Variants in EHMT1 observed in about 807,000 individuals in gnomAD.
EHMT1 encodes euchromatic histone lysine methyltransferase 1.
In EHMT1, 15 loss-of-function variants were observed where a neutral mutation model predicts 147.2. The ratio of observed to expected loss-of-function variants is 0.10; its 90% CI spans 0.07 to 0.16. The LOEUF is 0.16. Ranked by LOEUF, EHMT1 falls within the 10% of genes least tolerant of loss-of-function variation. The pLI, the probability that EHMT1 is intolerant of heterozygous loss-of-function variation, is 1.00. For missense variants in EHMT1, 1,587 were observed against 1,772.4 expected (o/e 0.90, Z 1.88); for synonymous variants, 795 against 709.6 (o/e 1.12, Z -1.91).
intron 1 of EHMT1, among the ~76,000 whole-genome samples, chr9:137,703,710 T>C (rs1439009971): frequency 6.6e-6 from 1 of 152,118 alleles, no homozygotes; most frequent in Non-Finnish European, 1.5e-5. Context: ...GTCAAAACCA[T>C]TCAAAAAGCC....
At chr9:137,809,099 C>T (rs996357750) in intron 18 of EHMT1, among the ~76,000 whole-genome samples, 17 of 151,942 alleles carry the variant, frequency 1.1e-4, no homozygotes, top group African/African-American at 3.6e-4. Flanking sequence ...GCAGCAGAGG[C>T]TCTTCAGGAA....
At position 137,765,751 on chromosome 9, in the gene EHMT1, G is replaced by A. The variant is rs1044492393; in HGVS notation, c.1647+2931G>A. Among the ~76,000 whole-genome samples the A allele has an allele frequency of 4.7e-5, 7 of 149,486 alleles. No homozygotes were observed. The East Asian group carries it at 1.4e-3, about 30-fold the overall frequency. On this transcript the variant is annotated intron_variant, in intron 10 of 26. Coordinates refer to ENST00000460843, the MANE Select transcript of EHMT1 (RefSeq NM_024757.5). ...CAGCCTCTGTCCCGACTCCCACAAC[G>A]CCCACTTCCAGGGTCAGTTTCACTG...
Position 137,707,324 on chromosome 9 carries a change from C to T in EHMT1, c.22-3643C>T, listed in dbSNP as rs370733375. Among the ~76,000 whole-genome samples, 89 of 152,320 alleles carry T rather than the reference C, an allele frequency of 5.8e-4. 1 individual carries two copies. The highest frequency in any genetic ancestry group is 2.1e-3 in the African/African-American group (86 of 41,576). On this transcript the variant is annotated intron_variant, in intron 1 of 26. Coordinates refer to ENST00000460843, the MANE Select transcript of EHMT1 (RefSeq NM_024757.5). ...ATCCCTTGCTGGGAGAAAACCTTCCCGAGCCTCCTGGAAGTCAGGAGAGGC... is the reference window on the plus strand; with the variant it reads ...ATCCCTTGCTGGGAGAAAACCTTCCTGAGCCTCCTGGAAGTCAGGAGAGGC...
intron 16 of EHMT1, among the ~76,000 whole-genome samples, chr9:137,795,427 A>ACACACACT (rs1281685652): frequency 3.3e-4 from 4 of 12,144 alleles, no homozygotes; most frequent in Non-Finnish European, 5.5e-4. Context: ...ACACACACAC[A>ACACACACT]CTCTCACACT....
At chr9:137,803,450 C>G (rs1201417280) in intron 18 of EHMT1, 1 of 335,946 alleles carries the variant, frequency 3.0e-6, no homozygotes, top group Non-Finnish European at 4.2e-6. Flanking sequence ...GAAAAGGGCT[C>G]TCACCATGGG....
At chr9:137,803,084 G>A in intron 18 of EHMT1, 1 of 1,229,732 alleles carries the variant, frequency 8.1e-7, no homozygotes, top group Non-Finnish European at 1.0e-6. Flanking sequence ...TGGTCGGCCT[G>A]CATGCCTGGG....
chr9:137,639,860 C>T (rs1844355200), intron 1 of EHMT1, among the ~76,000 whole-genome samples: 1 of 152,202 alleles, frequency 6.6e-6, no homozygotes, highest in Non-Finnish European at 1.5e-5. Flanking sequence ...ATTAATCAGC[C>T]AGAGGAGGAG....
chr9:137,667,187 A>C (rs1485878891), intron 1 of EHMT1: 1 of 152,164 alleles, frequency 6.6e-6, no homozygotes, highest in Admixed American at 6.5e-5. Context: ...GGAAATTGGC[A>C]CTGTTTTGGG....
chr9:137,743,524 C>T lies in EHMT1; in HGVS notation c.977C>T (p.Ser326Phe), dbSNP rs958602333. Reference protein sequence around the residue: ...FKSITHSTVGSKGEKDLGASS... With the variant: ...FKSITHSTVGFKGEKDLGASS... Reference sequence around the variant, plus strand: ...AGCATAACTCATTCCACTGTGGGTTCCAAGGTAAGAGACGCATTTGAGTGA... The same window carrying T: ...AGCATAACTCATTCCACTGTGGGTTTCAAGGTAAGAGACGCATTTGAGTGA... The change falls in exon 5 of 27, where the codon TCC (serine) becomes TTC (phenylalanine). Residue 326 changes from serine (S) to phenylalanine (F), a missense_variant. Ser to Phe is a radical substitution (Grantham distance 155). This residue lies in a region of EHMT1 where 810 missense variants were observed against 673.0 expected (regional missense o/e 1.20). Transcript: ENST00000460843. The T allele has an allele frequency of 6.8e-6, 11 of 1,614,042 alleles. No homozygotes were observed. The highest frequency in any genetic ancestry group is 9.3e-6 in the Non-Finnish European group (11 of 1,179,994).
intron 1 of EHMT1, among the ~76,000 whole-genome samples, chr9:137,694,115 A>AC (rs201330340): frequency 5.9e-5 from 2 of 33,768 alleles, no homozygotes; most frequent in African/African-American, 1.1e-4. Context: ...GCTGGCCGAT[A>AC]CCCCCACACA....
At position 137,835,574 on chromosome 9, in the gene EHMT1, G is replaced by A. The variant is rs1461710201; in HGVS notation, c.*621G>A. On this transcript the variant is annotated 3_prime_UTR_variant, in exon 27 of 27. Coordinates refer to ENST00000460843, the MANE Select transcript of EHMT1 (RefSeq NM_024757.5). ...CCTATATATCAAACCTCTAACTGAC[G>A]TTTCTTTTCGAGGAAGTGGCTTGGT... The A allele has an allele frequency of 1.3e-5, 2 of 152,588 alleles. No homozygotes were observed. The highest frequency in any genetic ancestry group is 2.4e-5 in the African/African-American group (1 of 41,438). 9.5% of individuals were successfully genotyped at this position (152,588 alleles called of 1,614,324 possible). A position where few individuals can be genotyped will look rare whatever the true frequency, so the allele number is the denominator to read the frequency against.
intron 25 of EHMT1, 102 bp from the exon 26 acceptor site, chr9:137,834,247 C>A (rs1463775080): frequency 6.7e-7 from 1 of 1,487,126 alleles, no homozygotes; most frequent in Non-Finnish European, 9.1e-7. Flanking sequence ...CGGGCCTGCG[C>A]CCAACTGCAG....
chr9:137,829,628 TATG>T (rs1426032368), intron 25 of EHMT1, among the ~76,000 whole-genome samples: 1 of 152,254 alleles, frequency 6.6e-6, no homozygotes, highest in Non-Finnish European at 1.5e-5. Context: ...CTGTCCCTTG[TATG>T]ATACTTGGCA....
chr9:137,680,874 G>C (rs1454276502), intron 1 of EHMT1: 1 of 152,342 alleles, frequency 6.6e-6, no homozygotes, highest in Non-Finnish European at 1.5e-5. Context: ...CAGATGAGCA[G>C]GGGACAGCAG....
chr9:137,714,684 C>T (rs1945046733), intron 2 of EHMT1, among the ~76,000 whole-genome samples: 1 of 150,682 alleles, frequency 6.6e-6, no homozygotes, highest in East Asian at 2.0e-4. Flanking sequence ...TCCTGAGTAT[C>T]TGGGACTACA....
rs1416099173 is a variant in EHMT1, at chr9:137,778,166, G to C, written c.2192+111G>C. On this transcript the variant is annotated intron_variant, in intron 13 of 26. Coordinates refer to ENST00000460843, the MANE Select transcript of EHMT1 (RefSeq NM_024757.5). ...ACTTCTCAGCTTTTTGATTAATGCT[G>C]TTCGTTAGAATAATTCGTATATTTT... 11 of 1,323,836 alleles carry C rather than the reference G, an allele frequency of 8.3e-6. No homozygotes were observed. The African/African-American group carries it at 1.2e-4, about 14-fold the overall frequency. The allele number at this position is 1,323,836 out of a possible 1,614,324, so 82.0% of individuals were successfully genotyped here. A position where few individuals can be genotyped will look rare whatever the true frequency, so the allele number is the denominator to read the frequency against.
At chr9:137,781,425 G>A (rs1367476621) in intron 14 of EHMT1, among the ~76,000 whole-genome samples, 1 of 149,310 alleles carries the variant, frequency 6.7e-6, no homozygotes, top group Non-Finnish European at 1.5e-5. Flanking sequence ...GCTGAGATGT[G>A]TGGTGATGAC....
chr9:137,792,342 T>C (rs908911201), intron 16 of EHMT1: 8 of 272,302 alleles, frequency 2.9e-5, no homozygotes, highest in South Asian at 2.9e-4. Context: ...CAGATGGTGC[T>C]GAGACAGCTG....
intron 1 of EHMT1, among the ~76,000 whole-genome samples, chr9:137,701,445 G>A (rs879344661): frequency 1.3e-5 from 2 of 151,462 alleles, no homozygotes; most frequent in African/African-American, 4.9e-5. Context: ...CACCACACCT[G>A]GCTAATTTTT....
Sources: allele counts gnomAD v4.1 joint callset (sites outside exome capture counted in the v4.1 genomes callset), GRCh38; gene constraint gnomAD v4.1.1; regional missense constraint gnomAD v4.1.1; transcripts MANE v1.5; gene names NCBI Gene and HGNC (gene_info 2026-07-23, HGNC 2026-07-21).